The following VWC2L variants were observed in gnomAD, a reference collection of about 807,000 sequenced individuals.
VWC2L encodes von Willebrand factor C domain containing 2 like.
VWC2L carries 10 observed loss-of-function variants against 21.6 expected under a neutral mutation model. That is an observed-to-expected ratio of 0.46 (90% CI 0.29 to 0.78). The LOEUF (loss-of-function observed/expected upper bound fraction) is 0.78. Among genes scored for constraint, VWC2L ranks in the 30% least tolerant of loss-of-function variants. VWC2L has a pLI of 0.10. For missense variants in VWC2L, 209 were observed against 277.1 expected, an observed-to-expected ratio of 0.75 and a Z score of 1.74; for synonymous variants, 96 against 94.3, an observed-to-expected ratio of 1.02 and a Z score of -0.10.
chr2:214,461,222 G>A (rs939441605), intron 3 of VWC2L, among the ~76,000 whole-genome samples: 3 of 152,022 alleles, frequency 2.0e-5, no homozygotes, highest in Non-Finnish European at 4.4e-5. Context: ...GGATTTAAGT[G>A]GGATAATTCT....
intron 3 of VWC2L, among the ~76,000 whole-genome samples, chr2:214,569,955 T>C (rs1250271416): frequency 2.0e-5 from 3 of 148,586 alleles, no homozygotes; most frequent in Admixed American, 2.0e-4. Flanking sequence ...TGCACCTTTT[T>C]ATGGGGAAAT....
intron 3 of VWC2L, among the ~76,000 whole-genome samples, chr2:214,493,891 C>T (rs1005371039): frequency 1.6e-4 from 25 of 152,136 alleles, no homozygotes; most frequent in African/African-American, 6.0e-4. Context: ...TAAGACCCTA[C>T]CTGCAGATGT....
chr2:214,504,833 G>A (rs778152532), intron 3 of VWC2L, among the ~76,000 whole-genome samples: 17 of 152,174 alleles, frequency 1.1e-4, no homozygotes, highest in Non-Finnish European at 2.4e-4. Flanking sequence ...AACAATCAGA[G>A]AGAGATTAAG....
intron 3 of VWC2L, among the ~76,000 whole-genome samples, chr2:214,561,364 A>G (rs922309523): frequency 2.6e-5 from 4 of 152,184 alleles, no homozygotes; most frequent in African/African-American, 9.7e-5. Flanking sequence ...TCATCCTTCC[A>G]TAATTCTTCT....
At chr2:214,444,234 GA>G (rs1308773856) in intron 3 of VWC2L, among the ~76,000 whole-genome samples, 2 of 151,702 alleles carry the variant, frequency 1.3e-5, no homozygotes, top group Non-Finnish European at 2.9e-5. Context: ...ATAGTTATCA[GA>G]AAAAAAATTT....
chr2:214,526,756 T>G (rs953660020), intron 3 of VWC2L, among the ~76,000 whole-genome samples: 6 of 152,230 alleles, frequency 3.9e-5, no homozygotes, highest in African/African-American at 1.4e-4. Flanking sequence ...ACCATGCTGG[T>G]GAGAATGTAA....
intron 3 of VWC2L, among the ~76,000 whole-genome samples, chr2:214,566,950 A>T (rs1184198912): frequency 1.3e-5 from 2 of 152,162 alleles, no homozygotes; most frequent in African/African-American, 4.8e-5. Context: ...GCATAATCCA[A>T]CTCAATTCAA....
At chr2:214,512,368 A>G (rs1225242287) in intron 3 of VWC2L, among the ~76,000 whole-genome samples, 2 of 152,122 alleles carry the variant, frequency 1.3e-5, no homozygotes, top group Admixed American at 6.6e-5. Context: ...ATACATGGAC[A>G]TATAGAGGGG....
chr2:214,414,680 T>C, intron 2 of VWC2L, 97 bp downstream of exon 2: 1 of 1,333,468 alleles, frequency 7.5e-7, no homozygotes. Context: ...AAATGTACTT[T>C]AAAATTTCCC....
At chr2:214,476,666 C>A (rs747380725) in intron 3 of VWC2L, among the ~76,000 whole-genome samples, 13 of 152,134 alleles carry the variant, frequency 8.5e-5, no homozygotes, top group Admixed American at 1.3e-4. Flanking sequence ...CTGAAGCTGG[C>A]CTCATTACAT....
At position 214,513,666 on chromosome 2, in the gene VWC2L, T is replaced by C. The variant is rs573068061; in HGVS notation, c.521-62006T>C. 3.3e-5 allele frequency among the ~76,000 whole-genome samples: 5 copies of C among 152,198 alleles called. No individual in the cohort carries two copies. In the East Asian group the frequency reaches 9.7e-4, roughly 29 times the overall value. ...ATATAATTTTGGAGGACCTATTTAG[T>C]GCCAATCAAAGCTTGCTACAGATGG... On this transcript the variant is annotated intron_variant, in intron 3 of 3. Transcript: ENST00000312504.
chr2:214,423,267 C>T (rs78221321), intron 2 of VWC2L, among the ~76,000 whole-genome samples: 1,850 of 151,998 alleles, frequency 0.012, 13 homozygotes, highest in Non-Finnish European at 0.018. Flanking sequence ...TACTTTTGAG[C>T]GCTGACCATA....
chr2:214,557,865 T>TCC (rs1337473263), intron 3 of VWC2L, among the ~76,000 whole-genome samples: 1 of 152,224 alleles, frequency 6.6e-6, no homozygotes, highest in Non-Finnish European at 1.5e-5. Context: ...AACCTCTCTC[T>TCC]CCCACCAGAT....
At chr2:214,560,397 T>C (rs2105929055) in intron 3 of VWC2L, among the ~76,000 whole-genome samples, 1 of 152,292 alleles carries the variant, frequency 6.6e-6, no homozygotes, top group East Asian at 1.9e-4. Flanking sequence ...TCTGTAGTAA[T>C]GTTCCACTTT....
intron 3 of VWC2L, among the ~76,000 whole-genome samples, chr2:214,499,978 G>C (rs758520440): frequency 6.6e-6 from 1 of 152,206 alleles, no homozygotes; most frequent in Non-Finnish European, 1.5e-5. Flanking sequence ...GTTGGGAAAG[G>C]CCTTTCTGAG....
rs1182741393 is a variant in VWC2L at position 214,448,039 on chromosome 2, G to T, written c.520+11281G>T. On this transcript the variant is annotated intron_variant, in intron 3 of 3. Coordinates refer to ENST00000312504, the MANE Select transcript of VWC2L (RefSeq NM_001080500.4). Reference sequence around the variant, plus strand: ...CTGTGATCCCCATGTGGTTCTATGAGCTATGAGTTAACAACCCAAATCACC... The same window carrying T: ...CTGTGATCCCCATGTGGTTCTATGATCTATGAGTTAACAACCCAAATCACC... 2.0e-5 allele frequency among the ~76,000 whole-genome samples: 3 copies of T among 152,136 alleles called. No individual in the cohort carries two copies. The East Asian group carries it at 5.8e-4, about 30-fold the overall frequency.
At chr2:214,572,461 G>A (rs566651753) in intron 3 of VWC2L, among the ~76,000 whole-genome samples, 1 of 152,136 alleles carries the variant, frequency 6.6e-6, no homozygotes, top group Non-Finnish European at 1.5e-5. Flanking sequence ...ACGTTGCTTT[G>A]CCATTGAATT....
intron 3 of VWC2L, among the ~76,000 whole-genome samples, chr2:214,570,705 C>G (rs1690137914): frequency 6.6e-6 from 1 of 151,464 alleles, no homozygotes. Flanking sequence ...AAAAAGTTTT[C>G]ATGTGTGAAT....
At chr2:214,458,665 A>AT (rs1703091490) in intron 3 of VWC2L, among the ~76,000 whole-genome samples, 1 of 151,850 alleles carries the variant, frequency 6.6e-6, no homozygotes, top group Non-Finnish European at 1.5e-5. Flanking sequence ...CAGTATCTTA[A>AT]TTTCTTCTTT....
Sources: allele counts gnomAD v4.1 joint callset (sites outside exome capture counted in the v4.1 genomes callset), GRCh38; gene constraint gnomAD v4.1.1; transcripts MANE v1.5; gene names NCBI Gene and HGNC (gene_info 2026-07-23, HGNC 2026-07-21).